OR7C1: variants seen among roughly 807,000 people sequenced by gnomAD.
OR7C1 encodes olfactory receptor family 7 subfamily C member 1.
For missense variants in OR7C1, 324 were observed against 383.3 expected (o/e 0.85, Z 1.29); for synonymous variants, 152 against 160.7 (o/e 0.95, Z 0.41).
chr19:14,824,080 GATA>G (rs1358232964), intron 1 of OR7C1, among the ~76,000 whole-genome samples: 1 of 152,100 alleles, frequency 6.6e-6, no homozygotes, highest in Non-Finnish European at 1.5e-5. Context: ...AGATTTTCTA[GATA>G]ATAAGTGTAT....
intron 1 of OR7C1, chr19:14,825,449 C>T (rs914083778): frequency 2.0e-5 from 3 of 152,064 alleles, no homozygotes; most frequent in Non-Finnish European, 2.9e-5. Context: ...GGTGCTCTTT[C>T]CACCAAAAAA....
chr19:14,805,135 C>T (rs777894611), intron 2 of OR7C1, among the ~76,000 whole-genome samples: 11 of 151,744 alleles, frequency 7.2e-5, no homozygotes, highest in East Asian at 1.9e-4. Flanking sequence ...TTCACAAGCA[C>T]GGGGGTTAGA....
chr19:14,819,665 A>G (rs2044732128), intron 1 of OR7C1, among the ~76,000 whole-genome samples: 2 of 152,314 alleles, frequency 1.3e-5, no homozygotes, highest in African/African-American at 2.4e-5. Flanking sequence ...ACATATTCTT[A>G]TACCCACGTT....
At chr19:14,816,853 C>T (rs1044929014) in intron 1 of OR7C1, among the ~76,000 whole-genome samples, 1 of 152,032 alleles carries the variant, frequency 6.6e-6, no homozygotes, top group Non-Finnish European at 1.5e-5. Flanking sequence ...AAAAATTAAT[C>T]AAATAAATAA....
chr19:14,813,095 C>T (rs900407526), intron 1 of OR7C1, among the ~76,000 whole-genome samples: 1 of 150,512 alleles, frequency 6.6e-6, no homozygotes. Context: ...AAAAATTATC[C>T]GAGTGTCCAA....
chr19:14,808,712 TTCA>T (rs34779483), intron 2 of OR7C1, among the ~76,000 whole-genome samples: 5,400 of 152,036 alleles, frequency 0.036, 144 homozygotes, highest in South Asian at 0.074. Context: ...TAGTCCAGAC[TTCA>T]CCACTATGCA....
At chr19:14,811,059 T>C (rs1421858509) in intron 1 of OR7C1, among the ~76,000 whole-genome samples, 1 of 151,928 alleles carries the variant, frequency 6.6e-6, no homozygotes, top group Non-Finnish European at 1.5e-5. Flanking sequence ...TTAGGCTTTT[T>C]GGGTCCTATG....
intron 1 of OR7C1, among the ~76,000 whole-genome samples, chr19:14,811,193 G>A (rs934511786): frequency 6.6e-6 from 1 of 151,810 alleles, no homozygotes; most frequent in Non-Finnish European, 1.5e-5. Flanking sequence ...CCACAAACTG[G>A]GTGGCTGAAA....
intron 1 of OR7C1, among the ~76,000 whole-genome samples, chr19:14,820,841 G>A (rs1330981112): frequency 2.0e-5 from 3 of 152,184 alleles, no homozygotes; most frequent in Non-Finnish European, 4.4e-5. Flanking sequence ...TTGGACTAGA[G>A]AGTGCCCACT....
intron 1 of OR7C1, among the ~76,000 whole-genome samples, chr19:14,832,841 A>C (rs2044847171): frequency 6.6e-6 from 1 of 152,218 alleles, no homozygotes; most frequent in African/African-American, 2.4e-5. Context: ...ACTGTAGTGA[A>C]TAAAATTGTT....
intron 2 of OR7C1, among the ~76,000 whole-genome samples, chr19:14,803,593 G>A (rs1272219096): frequency 6.6e-6 from 1 of 152,036 alleles, no homozygotes; most frequent in African/African-American, 2.4e-5. Context: ...TCTGCAGCTT[G>A]ATTTTACAGG....
At position 14,816,934 on chromosome 19, in the gene OR7C1, T is replaced by C. The variant is rs557673730; in HGVS notation, c.-622-6941A>G. On this transcript the variant is annotated intron_variant, in intron 1 of 4. Coordinates refer to ENST00000641666, the Ensembl canonical transcript of OR7C1. ...GAATGAGCAGGAAAAATTTCCTTAC[T>C]GTCCAGACAGGAGTCCACAGAGAAA... is the stretch of plus-strand genomic sequence containing the variant. 2.4e-4 allele frequency among the ~76,000 whole-genome samples: 37 copies of C among 152,270 alleles called. No homozygotes were observed. In the South Asian group the frequency reaches 7.7e-3, roughly 32 times the overall value.
Position 14,814,118 on chromosome 19 carries a change from A to G in OR7C1, c.-622-4125T>C, listed in dbSNP as rs563117282. 2.0e-5 allele frequency among the ~76,000 whole-genome samples: 3 copies of G among 151,722 alleles called. No homozygotes were observed. In the South Asian group the frequency reaches 6.2e-4, roughly 31 times the overall value. ...AGACTGCATGACATTGGTCTGGGCA[A>G]TAATTTTTGGGAAATGACCCCAGAA... On this transcript the variant is annotated intron_variant, in intron 1 of 4. Coordinates refer to ENST00000641666, the Ensembl canonical transcript of OR7C1.
At chr19:14,804,122 C>T (rs946174565) in intron 2 of OR7C1, among the ~76,000 whole-genome samples, 1 of 152,104 alleles carries the variant, frequency 6.6e-6, no homozygotes, top group Non-Finnish European at 1.5e-5. Context: ...TGACCTCTCA[C>T]CTGTAGCTGA....
chr19:14,811,632 T>C (rs528639560), intron 1 of OR7C1, among the ~76,000 whole-genome samples: 2 of 151,894 alleles, frequency 1.3e-5, no homozygotes, highest in African/African-American at 2.4e-5. Context: ...AAATAAAGCC[T>C]TTTTACAAAG....
intron 1 of OR7C1, chr19:14,827,758 T>A (rs554824857): frequency 6.8e-6 from 11 of 1,614,062 alleles, no homozygotes; most frequent in African/African-American, 2.7e-5. Context: ...CGTACTACCA[T>A]TAAGATTTGT....
intron 1 of OR7C1, among the ~76,000 whole-genome samples, chr19:14,818,986 C>T (rs1362689282): frequency 6.6e-6 from 1 of 152,024 alleles, no homozygotes; most frequent in African/African-American, 2.4e-5. Context: ...TACACATGTG[C>T]CATGTTGGCG....
At chr19:14,833,618 A>G (rs1012436970) in intron 1 of OR7C1, among the ~76,000 whole-genome samples, 3 of 152,242 alleles carry the variant, frequency 2.0e-5, no homozygotes, top group Non-Finnish European at 4.4e-5. Flanking sequence ...AATATTTTAA[A>G]CTTTTTATGG....
At chr19:14,822,612 G>C (rs2044746481) in intron 1 of OR7C1, among the ~76,000 whole-genome samples, 1 of 151,898 alleles carries the variant, frequency 6.6e-6, no homozygotes, top group Non-Finnish European at 1.5e-5. Context: ...TTCAACTCTT[G>C]ACCTCGTGAT....
Sources: gnomAD v4.1 joint callset for allele counts (sites outside exome capture counted in the v4.1 genomes callset) on GRCh38, gnomAD v4.1.1 for gene constraint, MANE v1.5 for transcripts, NCBI Gene and HGNC (gene_info 2026-07-23, HGNC 2026-07-21) for gene names.